ANO3: variants seen among roughly 807,000 people sequenced by gnomAD.
ANO3 encodes the protein anoctamin 3.
ANO3 carries 99 observed loss-of-function variants against 144.8 expected under a neutral mutation model. The ratio of observed to expected loss-of-function variants is 0.68; its 90% CI spans 0.58 to 0.81. The LOEUF is 0.81. ANO3 is among the 30% of genes least tolerant of loss of function. The pLI, the probability that ANO3 is intolerant of heterozygous loss-of-function variation, is 0.00. For missense variants in ANO3, 905 were observed against 1,202.2 expected (o/e 0.75, Z 3.66); for synonymous variants, 414 against 392.6 (o/e 1.05, Z -0.64).
chr11:26,353,575 C>T (rs1855702202), intron 1 of ANO3, among the ~76,000 whole-genome samples: 1 of 152,022 alleles, frequency 6.6e-6, no homozygotes, highest in African/African-American at 2.4e-5. Flanking sequence ...CCCTTCGTTC[C>T]TTCCTTTCTT....
At chr11:26,297,285 G>T (rs1854116307) in intron 1 of ANO3, among the ~76,000 whole-genome samples, 1 of 127,794 alleles carries the variant, frequency 7.8e-6, no homozygotes, top group South Asian at 2.2e-4. Flanking sequence ...TATTTATGAG[G>T]ATCATTTTAA....
intron 1 of ANO3, among the ~76,000 whole-genome samples, chr11:26,272,292 C>T (rs1853456756): frequency 6.6e-6 from 1 of 151,458 alleles, no homozygotes; most frequent in African/African-American, 2.4e-5. Context: ...TTGATACGTA[C>T]CATAGATTGA....
intron 1 of ANO3, among the ~76,000 whole-genome samples, chr11:26,269,386 C>A (rs1302380328): frequency 6.6e-6 from 1 of 152,160 alleles, no homozygotes; most frequent in African/African-American, 2.4e-5. Flanking sequence ...TAGTTTTCTG[C>A]CGCTAGCTTC....
chr11:26,590,738 C>T (rs917889019), intron 14 of ANO3, among the ~76,000 whole-genome samples: 3 of 152,176 alleles, frequency 2.0e-5, no homozygotes, highest in Admixed American at 1.3e-4. Flanking sequence ...CGGCAAAGGG[C>T]GCCTCGCTGG....
At chr11:26,644,015 A>C (rs535511307) in intron 23 of ANO3, among the ~76,000 whole-genome samples, 1 of 152,292 alleles carries the variant, frequency 6.6e-6, no homozygotes, top group East Asian at 1.9e-4. Flanking sequence ...CCAAAACAGC[A>C]AGGAACTTCT....
In ANO3 at chr11:26,310,845, G is replaced by A. The variant is rs1290686515; in HGVS notation, c.-3+1126G>A. Among the ~76,000 whole-genome samples, 16 of 152,270 alleles carry A rather than the reference G, an allele frequency of 1.1e-4. 1 individual carries two copies. In the South Asian group the frequency reaches 1.2e-3, roughly 12 times the overall value. Reference sequence around the variant, plus strand: ...CTTCCTTCTGCCAAAGTCAGATTTCGGAGACGGTAACTGAAGATCAATCTC... The same window carrying A: ...CTTCCTTCTGCCAAAGTCAGATTTCAGAGACGGTAACTGAAGATCAATCTC... On this transcript the variant is annotated intron_variant, in intron 1 of 26. Coordinates refer to the ANO3 transcript ENST00000525139.
At chr11:26,457,579 C>T (rs182828156) in intron 3 of ANO3, among the ~76,000 whole-genome samples, 3 of 152,040 alleles carry the variant, frequency 2.0e-5, no homozygotes, top group East Asian at 3.9e-4. Flanking sequence ...TGCATTTAAT[C>T]CTTGGAAATA....
In ANO3 at chr11:26,332,399, C is replaced by T. The variant is rs2133889094; in HGVS notation, c.46+78C>T. ...TGCCCTTGCAGTTGTGTAGGAGCAT[C>T]CTTTGCAGGCTTATGCGACACAGAG... On this transcript the variant is annotated intron_variant, in intron 1 of 26. Transcript: ENST00000256737. The T allele has an allele frequency of 3.6e-6, 5 of 1,394,082 alleles. No individual in the cohort carries two copies. In the South Asian group the frequency reaches 4.6e-5, roughly 13 times the overall value. The allele number at this position is 1,394,082 out of a possible 1,614,324, so 86.4% of individuals were successfully genotyped here. A position where few individuals can be genotyped will look rare whatever the true frequency, so the allele number is the denominator to read the frequency against.
At chr11:26,278,532 T>C (rs1033064667) in intron 1 of ANO3, among the ~76,000 whole-genome samples, 1 of 152,108 alleles carries the variant, frequency 6.6e-6, no homozygotes, top group African/African-American at 2.4e-5. Flanking sequence ...TACTGTTTAT[T>C]GTCACTCACG....
intron 1 of ANO3, among the ~76,000 whole-genome samples, chr11:26,220,167 A>G (rs1852113543): frequency 6.6e-6 from 1 of 152,214 alleles, no homozygotes; most frequent in African/African-American, 2.4e-5. Flanking sequence ...TTTTATATGA[A>G]CAGTGACTTC....
At chr11:26,319,629 G>T (rs1854711350) in intron 1 of ANO3, among the ~76,000 whole-genome samples, 1 of 152,120 alleles carries the variant, frequency 6.6e-6, no homozygotes, top group Admixed American at 6.5e-5. Flanking sequence ...CCAAATCAAT[G>T]TATGATAAAA....
At chr11:26,271,181 C>A (rs904262721) in intron 1 of ANO3, among the ~76,000 whole-genome samples, 8 of 152,174 alleles carry the variant, frequency 5.3e-5, no homozygotes, top group African/African-American at 1.7e-4. Flanking sequence ...GTAGAAAGAG[C>A]AACAATTTAA....
At chr11:26,456,425 G>C (rs1454800665) in intron 3 of ANO3, among the ~76,000 whole-genome samples, 1 of 151,990 alleles carries the variant, frequency 6.6e-6, no homozygotes, top group Non-Finnish European at 1.5e-5. Context: ...GACATGAACA[G>C]ACACTTCTCA....
chr11:26,659,656 C>T (rs1853816931), intron 26 of ANO3, among the ~76,000 whole-genome samples: 1 of 152,012 alleles, frequency 6.6e-6, no homozygotes, highest in Admixed American at 6.6e-5. Context: ...GTGTATATGC[C>T]ACTGCACTCC....
intron 17 of ANO3, among the ~76,000 whole-genome samples, chr11:26,612,362 T>C (rs1226052052): frequency 1.3e-5 from 2 of 151,468 alleles, no homozygotes; most frequent in Non-Finnish European, 2.9e-5. Flanking sequence ...AACGTAACTT[T>C]GTTCACATAA....
rs147615897 is a variant in ANO3, at chr11:26,611,081, A to C, written c.1836+11367A>C. 5.3e-4 allele frequency among the ~76,000 whole-genome samples: 80 copies of C among 152,052 alleles called. No individual in the cohort carries two copies. In the East Asian group the frequency reaches 0.012, roughly 22 times the overall value. ...CATATTTGTTAATCTTTTCAATAAA[A>C]CTGTTAATTTTGTTGATTTTTTTGA... On this transcript the variant is annotated intron_variant, in intron 17 of 26. Transcript: ENST00000256737.
chr11:26,413,437 C>T (rs1590339295), intron 1 of ANO3, among the ~76,000 whole-genome samples: 1 of 151,936 alleles, frequency 6.6e-6, no homozygotes, highest in African/African-American at 2.4e-5. Context: ...AACTTAAATG[C>T]ATTTCCTTAG....
rs200346231 is a variant in ANO3, at chr11:26,476,903, A to G, written c.432+13755A>G. ...CTGTTATAATTTTGTGTGTGTGTGT[A>G]TGTGTGTGTGTGTGTGTGTGTGTGT... On this transcript the variant is annotated intron_variant, in intron 4 of 26. Transcript: ENST00000256737. Among the ~76,000 whole-genome samples, 563 of 141,454 alleles carry G rather than the reference A, an allele frequency of 4.0e-3. 3 individuals are homozygous for G. Among genetic ancestry groups the G allele is most frequent in the African/African-American group, 0.013 (502 of 38,274 alleles). 92.8% of individuals were successfully genotyped at this position (141,454 alleles called of 152,430 possible).
chr11:26,624,263 CA>C (rs1400039015), intron 17 of ANO3, among the ~76,000 whole-genome samples, 198 bp from the exon 18 acceptor site: 4 of 152,200 alleles, frequency 2.6e-5, no homozygotes, highest in Non-Finnish European at 4.4e-5. Context: ...CACACATTTA[CA>C]TTCACATATA....
Sources: gnomAD v4.1 joint callset for allele counts (sites outside exome capture counted in the v4.1 genomes callset) on GRCh38, gnomAD v4.1.1 for gene constraint, MANE v1.5 for transcripts, NCBI Gene and HGNC (gene_info 2026-07-23, HGNC 2026-07-21) for gene names.